Variants in CAMK1D observed in about 807,000 individuals in gnomAD.
CAMK1D encodes calcium/calmodulin dependent protein kinase ID, also known as calcium/calmodulin-dependent protein kinase type 1D.
Under a neutral mutation model 47.7 loss-of-function variants are expected in CAMK1D, and 9 were observed. The observed-to-expected ratio is 0.19, with a 90% CI of 0.11 to 0.33. The LOEUF is 0.33. CAMK1D is among the 10% of genes least tolerant of loss of function. CAMK1D has a pLI of 1.00. For missense variants in CAMK1D, 291 were observed against 488.7 expected, an observed-to-expected ratio of 0.60 and a Z score of 3.81; for synonymous variants, 184 against 184.9, an observed-to-expected ratio of 0.99 and a Z score of 0.04.
At chr10:12,720,957 A>G (rs993540482) in intron 3 of CAMK1D, among the ~76,000 whole-genome samples, 7 of 152,218 alleles carry the variant, frequency 4.6e-5, no homozygotes, top group Non-Finnish European at 4.4e-5. Flanking sequence ...TGGTGAATCC[A>G]TTCAGCGGAG....
At chr10:12,359,999 C>T (rs1269647396) in intron 1 of CAMK1D, among the ~76,000 whole-genome samples, 2 of 152,178 alleles carry the variant, frequency 1.3e-5, no homozygotes, top group Non-Finnish European at 2.9e-5. Flanking sequence ...ATTTCCAAAT[C>T]AGCCATGATT....
At chr10:12,383,135 C>A (rs1016695092) in intron 1 of CAMK1D, among the ~76,000 whole-genome samples, 1 of 152,088 alleles carries the variant, frequency 6.6e-6, no homozygotes, top group African/African-American at 2.4e-5. Flanking sequence ...ACCACATAAT[C>A]CAGGTTTCCG....
chr10:12,625,858 C>T (rs574110273), intron 2 of CAMK1D, among the ~76,000 whole-genome samples: 55 of 152,256 alleles, frequency 3.6e-4, no homozygotes, highest in African/African-American at 1.3e-3. Flanking sequence ...ATCTGGAAGT[C>T]TAGACTTCTG....
chr10:12,701,955 G>C (rs1049620842), intron 3 of CAMK1D, among the ~76,000 whole-genome samples: 1 of 152,208 alleles, frequency 6.6e-6, no homozygotes, highest in Non-Finnish European at 1.5e-5. Flanking sequence ...AAGGGAAAAG[G>C]AAATGAGTAG....
At chr10:12,587,839 G>T (rs1347584206) in intron 2 of CAMK1D, among the ~76,000 whole-genome samples, 2 of 151,968 alleles carry the variant, frequency 1.3e-5, no homozygotes, top group Admixed American at 1.3e-4. Flanking sequence ...TTAGATGTAT[G>T]ACCTGTCATC....
At chr10:12,615,971 T>C (rs926417881) in intron 2 of CAMK1D, among the ~76,000 whole-genome samples, 7 of 151,266 alleles carry the variant, frequency 4.6e-5, no homozygotes, top group African/African-American at 1.7e-4. Context: ...TGTGTATGTG[T>C]GCATGTGTGT....
intron 1 of CAMK1D, among the ~76,000 whole-genome samples, chr10:12,442,496 A>G (rs1832812030): frequency 1.3e-5 from 2 of 152,184 alleles, no homozygotes; most frequent in African/African-American, 2.4e-5. Context: ...CAAGCAAACA[A>G]AAAAACTTTG....
At position 12,615,525 on chromosome 10, in the gene CAMK1D, G is replaced by A. The variant is rs529407491; in HGVS notation, c.225-51211G>A. Among the ~76,000 whole-genome samples the A allele has an allele frequency of 1.3e-3, 194 of 147,520 alleles. 1 individual carries two copies. The highest frequency in any genetic ancestry group is 2.4e-3 in the Non-Finnish European group (160 of 67,588). On this transcript the variant is annotated intron_variant, in intron 2 of 10. Transcript: ENST00000619168. ...ATGTATAGTTATGTGTGTGTATATC[G>A]GTGTGTGTGCATGTGTACATGTGTA... is the stretch of plus-strand genomic sequence containing the variant.
At chr10:12,463,654 C>T (rs111503336) in intron 1 of CAMK1D, among the ~76,000 whole-genome samples, 2 of 151,978 alleles carry the variant, frequency 1.3e-5, no homozygotes, top group African/African-American at 4.8e-5. Context: ...ACGATGTTCT[C>T]GGTGCTTTTT....
At chr10:12,825,441 T>G in intron 9 of CAMK1D, 132 bp from the exon 10 acceptor site, 1 of 819,464 alleles carries the variant, frequency 1.2e-6, no homozygotes, top group Non-Finnish European at 1.8e-6. Flanking sequence ...TAAGCTTTCC[T>G]TCTTGAGTAG....
chr10:12,378,283 A>G (rs1838240639), intron 1 of CAMK1D, among the ~76,000 whole-genome samples: 1 of 152,036 alleles, frequency 6.6e-6, no homozygotes, highest in South Asian at 2.1e-4. Context: ...GTCTCACTCC[A>G]TTGCCCAGGC....
intron 3 of CAMK1D, among the ~76,000 whole-genome samples, chr10:12,679,426 G>A (rs1055059773): frequency 6.6e-6 from 1 of 152,038 alleles, no homozygotes. Context: ...AAAAAAATAC[G>A]GATAGTATCA....
intron 2 of CAMK1D, among the ~76,000 whole-genome samples, chr10:12,582,181 G>A (rs951904924): frequency 2.6e-5 from 4 of 152,052 alleles, no homozygotes; most frequent in African/African-American, 7.2e-5. Flanking sequence ...TAGCTTTGTC[G>A]AAGATCAGTG....
At chr10:12,704,047 A>G (rs1833635738) in intron 3 of CAMK1D, among the ~76,000 whole-genome samples, 1 of 152,052 alleles carries the variant, frequency 6.6e-6, no homozygotes, top group South Asian at 2.1e-4. Flanking sequence ...ATAATTTCCC[A>G]GCTGTTTGAA....
chr10:12,658,660 G>T (rs1840186749), intron 2 of CAMK1D, among the ~76,000 whole-genome samples: 1 of 152,088 alleles, frequency 6.6e-6, no homozygotes, highest in African/African-American at 2.4e-5. Context: ...GAATGCACCG[G>T]CAGACCCACA....
At chr10:12,382,565 C>A (rs1473594434) in intron 1 of CAMK1D, among the ~76,000 whole-genome samples, 1 of 152,104 alleles carries the variant, frequency 6.6e-6, no homozygotes, top group African/African-American at 2.4e-5. Flanking sequence ...TGGCTCACAC[C>A]TGTAATCTCA....
intron 3 of CAMK1D, among the ~76,000 whole-genome samples, chr10:12,683,979 T>G (rs1832553723): frequency 1.3e-5 from 2 of 152,168 alleles, no homozygotes; most frequent in African/African-American, 2.4e-5. Flanking sequence ...GAGGTTTCAT[T>G]GCATACAAAT....
intron 3 of CAMK1D, among the ~76,000 whole-genome samples, chr10:12,699,649 G>GAAA (rs368569893): frequency 7.0e-5 from 10 of 143,740 alleles, no homozygotes; most frequent in African/African-American, 2.6e-4. Flanking sequence ...GCTGTAACTT[G>GAAA]AAAAAAAAAA....
Position 12,528,736 on chromosome 10 carries a change from C to CT in CAMK1D, c.93-24473dup, listed in dbSNP as rs34250007. On this transcript the variant is annotated intron_variant, in intron 1 of 10. Coordinates refer to ENST00000619168, the MANE Select transcript of CAMK1D (RefSeq NM_153498.4). ...AGAGGTAAAGTGAGGAAATCCTCAT[C>CT]TTTTTTTTTTTTTTTTCTTTTTGGA... Among the ~76,000 whole-genome samples, 973 of 137,878 alleles carry CT rather than the reference C, an allele frequency of 7.1e-3. 14 individuals carry two copies. Among genetic ancestry groups the CT allele is most frequent in the African/African-American group, 0.022 (824 of 37,156 alleles). 90.5% of individuals were successfully genotyped at this position (137,878 alleles called of 152,430 possible).
Sources: gnomAD v4.1 joint callset for allele counts (sites outside exome capture counted in the v4.1 genomes callset) on GRCh38, gnomAD v4.1.1 for gene constraint, MANE v1.5 for transcripts, NCBI Gene and HGNC (gene_info 2026-07-23, HGNC 2026-07-21) for gene names.